Variants in SPIDR observed in about 807,000 individuals in gnomAD.
SPIDR encodes the protein DNA repair-scaffolding protein.
A neutral mutation model predicts 104.6 loss-of-function variants in SPIDR; 93 were observed. The ratio of observed to expected loss-of-function variants is 0.89; its 90% confidence interval spans 0.75 to 1.06. The LOEUF (loss-of-function observed/expected upper bound fraction) is 1.06, where lower values mean the gene tolerates loss of function less well. Ranked by LOEUF, SPIDR falls within the 50% of genes least tolerant of loss-of-function variation. The pLI is 0.00. For missense variants in SPIDR, 1,154 were observed against 1,111.2 expected, an observed-to-expected ratio of 1.04 and a Z score of -0.55; for synonymous variants, 431 against 416.9, an observed-to-expected ratio of 1.03 and a Z score of -0.41.
At chr8:47,580,476 A>T (rs1313630350) in intron 8 of SPIDR, among the ~76,000 whole-genome samples, 1 of 152,146 alleles carries the variant, frequency 6.6e-6, no homozygotes, top group East Asian at 1.9e-4. Flanking sequence ...ATTTATAAAA[A>T]CCGAGTCACA....
At chr8:47,488,409 A>C (rs1240661683) in intron 8 of SPIDR, among the ~76,000 whole-genome samples, 1 of 152,358 alleles carries the variant, frequency 6.6e-6, no homozygotes, top group South Asian at 2.1e-4. Context: ...TCACAGCTGA[A>C]TTCTACCAGA....
At chr8:47,604,273 A>G (rs1406974797) in intron 10 of SPIDR, among the ~76,000 whole-genome samples, 1 of 152,208 alleles carries the variant, frequency 6.6e-6, no homozygotes, top group African/African-American at 2.4e-5. Flanking sequence ...AAGAGAGAAT[A>G]CCTTTGAAAA....
chr8:47,440,685 T>A, intron 8 of SPIDR, 143 bp downstream of exon 8: 2 of 754,958 alleles, frequency 2.6e-6, no homozygotes, highest in Non-Finnish European at 4.2e-6. Flanking sequence ...GGGTTTTCTG[T>A]CAGAGAAGCA....
At chr8:47,472,114 C>G (rs1554721423) in intron 8 of SPIDR, among the ~76,000 whole-genome samples, 1 of 152,176 alleles carries the variant, frequency 6.6e-6, no homozygotes, top group Non-Finnish European at 1.5e-5. Flanking sequence ...CTGTATCTTC[C>G]CCATTTTCTA....
chr8:47,390,611 A>G (rs1165931498), intron 5 of SPIDR, among the ~76,000 whole-genome samples: 5 of 151,816 alleles, frequency 3.3e-5, no homozygotes, highest in Admixed American at 2.0e-4. Flanking sequence ...AAAACTAAAG[A>G]AAAACTTGCA....
intron 8 of SPIDR, among the ~76,000 whole-genome samples, chr8:47,444,536 G>C (rs1163211693): frequency 2.0e-5 from 3 of 152,166 alleles, no homozygotes; most frequent in African/African-American, 7.2e-5. Flanking sequence ...TCACTACTTA[G>C]TATTCCACTA....
At chr8:47,309,294 A>G (rs1426125075) in intron 5 of SPIDR, among the ~76,000 whole-genome samples, 1 of 152,204 alleles carries the variant, frequency 6.6e-6, no homozygotes, top group Non-Finnish European at 1.5e-5. Context: ...TCTTATGGTA[A>G]AAAGAAAAGG....
chr8:47,261,582 T>C (rs2154208334), intron 1 of SPIDR, among the ~76,000 whole-genome samples: 1 of 152,368 alleles, frequency 6.6e-6, no homozygotes, highest in Admixed American at 6.5e-5. Context: ...ATGGCATGTG[T>C]CCTTTATCGT....
intron 8 of SPIDR, among the ~76,000 whole-genome samples, chr8:47,489,499 A>C (rs893933717): frequency 6.6e-5 from 10 of 152,134 alleles, no homozygotes; most frequent in South Asian, 4.1e-4. Flanking sequence ...TTGGAAAAAA[A>C]TTCTTTAAAG....
intron 16 of SPIDR, among the ~76,000 whole-genome samples, chr8:47,718,871 C>T (rs2154491343): frequency 6.6e-6 from 1 of 152,118 alleles, no homozygotes; most frequent in East Asian, 1.9e-4. Flanking sequence ...CAGATCAACC[C>T]ATCACCCAGG....
chr8:47,535,252 A>T (rs1375498412), intron 8 of SPIDR, among the ~76,000 whole-genome samples: 2 of 152,220 alleles, frequency 1.3e-5, no homozygotes, highest in Non-Finnish European at 2.9e-5. Flanking sequence ...AAATAGAAGC[A>T]GAAGGAGTAC....
At chr8:47,369,744 T>A (rs1285075875) in intron 5 of SPIDR, among the ~76,000 whole-genome samples, 1 of 152,212 alleles carries the variant, frequency 6.6e-6, no homozygotes, top group African/African-American at 2.4e-5. Context: ...GGACTTCTTT[T>A]CTAGAGATAT....
chr8:47,631,520 A>C (rs1051922526), intron 10 of SPIDR, among the ~76,000 whole-genome samples: 3 of 152,270 alleles, frequency 2.0e-5, no homozygotes, highest in Non-Finnish European at 4.4e-5. Context: ...AACACAGAAA[A>C]GTACTGGATT....
chr8:47,696,405 A>G (rs548937779), intron 11 of SPIDR, among the ~76,000 whole-genome samples: 37 of 152,316 alleles, frequency 2.4e-4, no homozygotes, highest in African/African-American at 7.9e-4. Context: ...ACCCTTTATA[A>G]TGTTTAGAGT....
chr8:47,412,186 G>T (rs1554672183), intron 7 of SPIDR, among the ~76,000 whole-genome samples: 1 of 152,116 alleles, frequency 6.6e-6, no homozygotes, highest in African/African-American at 2.4e-5. Flanking sequence ...TTCCAGTTCT[G>T]TGAAGAAAGT....
rs148677318 is a variant in SPIDR, at chr8:47,365,387, G to A, written c.526-30989G>A. On this transcript the variant is annotated intron_variant, in intron 5 of 19. Coordinates refer to ENST00000297423, the MANE Select transcript of SPIDR (RefSeq NM_001080394.4). ...GTTGCCTGCCCTTTATAGACACATGGCAGCAAGTTCCACAACTGCTCAGGA... is the reference window on the plus strand; with the variant it reads ...GTTGCCTGCCCTTTATAGACACATGACAGCAAGTTCCACAACTGCTCAGGA... Among the ~76,000 whole-genome samples the A allele has an allele frequency of 2.7e-3, 417 of 152,216 alleles. 1 individual carries two copies. Among genetic ancestry groups the A allele is most frequent in the African/African-American group, 9.8e-3 (407 of 41,522 alleles).
At position 47,735,623 on chromosome 8, in the gene SPIDR, A is replaced by C; in HGVS notation, c.*173A>C. On this transcript the variant is annotated 3_prime_UTR_variant, in exon 20 of 20. Coordinates refer to ENST00000297423, the MANE Select transcript of SPIDR (RefSeq NM_001080394.4). Reference sequence around the variant, plus strand: ...TCAGATACAGTTTTGTGAACTGTAAATCAAAATACCTTTTTCTACAGTTTA... The same window carrying C: ...TCAGATACAGTTTTGTGAACTGTAACTCAAAATACCTTTTTCTACAGTTTA... 7.9e-7 allele frequency: 1 copy of C among 1,262,378 alleles called. No homozygotes were observed. The highest frequency in any genetic ancestry group is 1.1e-6 in the Non-Finnish European group (1 of 934,370). The allele number at this position is 1,262,378 out of a possible 1,614,324, so 78.2% of individuals were successfully genotyped here. A position where few individuals can be genotyped will look rare whatever the true frequency, so the allele number is the denominator to read the frequency against.
intron 7 of SPIDR, among the ~76,000 whole-genome samples, chr8:47,422,381 G>T (rs191937383): frequency 0.023 from 3,460 of 152,282 alleles, 144 homozygotes; most frequent in African/African-American, 0.08. Flanking sequence ...AATGAGCGAG[G>T]CTCTGTGGGC....
chr8:47,729,230 T>A (rs907402289), intron 18 of SPIDR, 182 bp from the exon 19 acceptor site: 1 of 1,450,882 alleles, frequency 6.9e-7, no homozygotes, highest in Non-Finnish European at 9.3e-7. Context: ...GGTGGGAGGA[T>A]GCACCCTATG....
Sources: gnomAD v4.1 joint callset for allele counts (sites outside exome capture counted in the v4.1 genomes callset) on GRCh38, gnomAD v4.1.1 for gene constraint, MANE v1.5 for transcripts, NCBI Gene and HGNC (gene_info 2026-07-23, HGNC 2026-07-21) for gene names.